The following HEATR5A variants were observed in gnomAD, a reference collection of about 807,000 sequenced individuals.
The protein encoded by HEATR5A is HEAT repeat containing 5A.
HEATR5A carries 178 observed loss-of-function variants against 218.8 expected under a neutral mutation model. The observed-to-expected ratio is 0.81, with a 90% CI of 0.72 to 0.92. The LOEUF (loss-of-function observed/expected upper bound fraction) is 0.92. Among genes scored for constraint, HEATR5A ranks in the 40% least tolerant of loss-of-function variants. HEATR5A has a pLI of 0.00. For missense variants in HEATR5A, 2,420 were observed against 2,418.9 expected, an observed-to-expected ratio of 1.00 and a Z score of -0.01; for synonymous variants, 864 against 871.6, an observed-to-expected ratio of 0.99 and a Z score of 0.15.
intron 27 of HEATR5A, 134 bp downstream of exon 27, chr14:31,315,634 CAT>C (rs1899890038): frequency 3.3e-6 from 2 of 603,834 alleles, no homozygotes; most frequent in Non-Finnish European, 5.6e-6. Flanking sequence ...AAATACATCA[CAT>C]GTTGGAATTC....
chr14:31,357,830 T>C (rs946381945), intron 16 of HEATR5A, among the ~76,000 whole-genome samples: 2 of 152,156 alleles, frequency 1.3e-5, no homozygotes, highest in Non-Finnish European at 2.9e-5. Flanking sequence ...GTTAATTAAA[T>C]ATCTATTATC....
chr14:31,364,443 A>G (rs987188045), intron 13 of HEATR5A, 145 bp from the exon 14 acceptor site: 1 of 545,582 alleles, frequency 1.8e-6, no homozygotes, highest in Non-Finnish European at 3.2e-6. Context: ...TTTTTGAGAC[A>G]GGGTCCAGCT....
chr14:31,360,767 G>T (rs1901590335), intron 14 of HEATR5A, among the ~76,000 whole-genome samples: 4 of 152,106 alleles, frequency 2.6e-5, no homozygotes, highest in Admixed American at 2.6e-4. Context: ...GTTAGGAAGG[G>T]TTTACTTGCC....
rs373878045 is a variant in HEATR5A, at chr14:31,358,759, C to G, written c.2289G>C (p.Ser763=). The G allele has an allele frequency of 2.1e-5, 34 of 1,613,614 alleles. No individual in the cohort carries two copies. Among genetic ancestry groups the G allele is most frequent in the Admixed American group, 1.7e-4 (10 of 59,966 alleles). Residue 763 remains serine (S), a synonymous_variant, in exon 16 of 36, where the codon TCG becomes TCC. Coordinates refer to ENST00000543095, the MANE Select transcript of HEATR5A (RefSeq NM_015473.4). ...CTCCCTCTACATCTTTCTCATAAAT[C>G]GAATAAGGGTCATATTCAAGACTTC... ...ACGSLEYDPY[S]IYEKDVEGDS... is the part of the protein sequence containing the mutation.
chr14:31,302,938 C>CAAAAAA (rs747481722), intron 32 of HEATR5A, among the ~76,000 whole-genome samples: 1 of 102,200 alleles, frequency 9.8e-6, no homozygotes, highest in African/African-American at 4.2e-5. Context: ...TTCATCTTTA[C>CAAAAAA]AAAAAAAAAA....
chr14:31,358,814 T>C lies in HEATR5A; in HGVS notation c.2236-2A>G. On this transcript the variant is annotated splice_acceptor_variant, in intron 15 of 35. Coordinates refer to ENST00000543095, the MANE Select transcript of HEATR5A (RefSeq NM_015473.4). LOFTEE classifies it high-confidence loss of function. ...AGCAACACCATTACCAAGCAGGAGC[T>C]AAAAGGGAAAAAAAGTATATAAGGT... 6.2e-7 allele frequency: 1 copy of C among 1,609,976 alleles called. No individual in the cohort carries two copies. The highest frequency in any genetic ancestry group is 8.5e-7 in the Non-Finnish European group (1 of 1,178,948).
chr14:31,393,749 G>C lies in HEATR5A; in HGVS notation c.772+303C>G, dbSNP rs144097440. 3.4e-3 allele frequency among the ~76,000 whole-genome samples: 514 copies of C among 152,192 alleles called. 2 individuals carry two copies. Among genetic ancestry groups the C allele is most frequent in the Middle Eastern group, 0.014 (4 of 292 alleles). On this transcript the variant is annotated intron_variant, in intron 6 of 35. Transcript: ENST00000543095. ...CAGCTCACTACAACCTCTGCCTCCT[G>C]GGTTCAAGTGATTCTTGTAATCCCA...
chr14:31,329,082 G>T (rs1178567002), intron 22 of HEATR5A, among the ~76,000 whole-genome samples: 7 of 151,976 alleles, frequency 4.6e-5, no homozygotes. Flanking sequence ...TCACTATCAC[G>T]AGAACAGCAT....
chr14:31,348,191 GCATT>G (rs1391112165), intron 18 of HEATR5A, among the ~76,000 whole-genome samples: 4 of 152,108 alleles, frequency 2.6e-5, no homozygotes, highest in African/African-American at 9.7e-5. Flanking sequence ...TTTAAGATAA[GCATT>G]ATTATTACTT....
chr14:31,372,875 G>GCTCT lies in HEATR5A; in HGVS notation c.1862-970_1862-967dup, dbSNP rs765000040. Reference sequence around the variant, plus strand: ...ACTGATCAATTCTTTTCTCTCTTTCGCTCTCTCTCTCCCTCTCTCTCTCTC... The same window carrying GCTCT: ...ACTGATCAATTCTTTTCTCTCTTTCGCTCTCTCTCTCTCTCCCTCTCTCTCTCTC... On this transcript the variant is annotated intron_variant, in intron 12 of 35. Transcript: ENST00000543095. 2.7e-4 allele frequency among the ~76,000 whole-genome samples: 41 copies of GCTCT among 150,288 alleles called. No individual in the cohort carries two copies. The East Asian group carries it at 7.0e-3, about 26-fold the overall frequency.
intron 9 of HEATR5A, among the ~76,000 whole-genome samples, chr14:31,386,200 T>C (rs565970375): frequency 6.6e-6 from 1 of 152,198 alleles, no homozygotes; most frequent in Non-Finnish European, 1.5e-5. Context: ...TATAAGTCTC[T>C]AAATGGGGGG....
At position 31,293,197 on chromosome 14, in the gene HEATR5A, A is replaced by C. The variant is rs1325052890; in HGVS notation, c.*108T>G. On this transcript the variant is annotated 3_prime_UTR_variant, in exon 36 of 36. Coordinates refer to ENST00000543095, the MANE Select transcript of HEATR5A (RefSeq NM_015473.4). ...GAGTCACAGCTATTTAAGGTAAAAC[A>C]ATCAACTAGACCTCTAAGGGCACTT... is the stretch of plus-strand genomic sequence containing the variant. 114 of 794,276 alleles carry C rather than the reference A, an allele frequency of 1.4e-4. 1 individual carries two copies. The East Asian group carries it at 2.8e-3, about 19-fold the overall frequency. 49.2% of individuals were successfully genotyped at this position (794,276 alleles called of 1,614,324 possible). A position where few individuals can be genotyped will look rare whatever the true frequency, so the allele number is the denominator to read the frequency against.
chr14:31,330,378 C>T (rs911148260), intron 22 of HEATR5A, among the ~76,000 whole-genome samples: 2 of 152,174 alleles, frequency 1.3e-5, no homozygotes, highest in African/African-American at 2.4e-5. Context: ...GCACAGAGCA[C>T]GGGGACCCTG....
At chr14:31,315,260 C>T (rs947758807) in intron 27 of HEATR5A, among the ~76,000 whole-genome samples, 1 of 152,144 alleles carries the variant, frequency 6.6e-6, no homozygotes, top group Non-Finnish European at 1.5e-5. Flanking sequence ...ATTATAAATA[C>T]TATTAGGTCT....
intron 12 of HEATR5A, among the ~76,000 whole-genome samples, chr14:31,372,857 A>G (rs949017024): frequency 2.0e-5 from 3 of 151,374 alleles, no homozygotes; most frequent in African/African-American, 7.3e-5. Context: ...CAGACTGATC[A>G]ATTCTTTTCT....
At chr14:31,376,081 G>A (rs1902216607) in intron 11 of HEATR5A, among the ~76,000 whole-genome samples, 1 of 152,140 alleles carries the variant, frequency 6.6e-6, no homozygotes, top group Non-Finnish European at 1.5e-5. Context: ...TAATATCCTG[G>A]CTTCATCCAC....
Position 31,387,372 on chromosome 14 carries a change from A to G in HEATR5A, c.937T>C (p.Tyr313His), listed in dbSNP as rs1282174617. 1.1e-5 allele frequency: 17 copies of G among 1,605,774 alleles called. No individual in the cohort carries two copies. Among genetic ancestry groups the G allele is most frequent in the Non-Finnish European group, 1.4e-5 (16 of 1,175,466 alleles). ...CCTAGTGTTGAAACAAATACCACAT[A>G]AGCCTAAAAAGGAAAAGAGTTTTAT... ...RDVRVGVTQA[Y>H]VVFVSTLGGA... Residue 313 changes from tyrosine (Y) to histidine (H), a missense_variant, in exon 8 of 36, where the codon TAT becomes CAT. By Grantham distance (83) the Tyr-to-His change is moderately conservative. Transcript: ENST00000543095.
chr14:31,387,455 TTAA>T lies in HEATR5A; in HGVS notation c.934-83_934-81del, dbSNP rs1189175833. 11 of 1,043,916 alleles carry T rather than the reference TTAA, an allele frequency of 1.1e-5. No homozygotes were observed. In the Admixed American group the frequency reaches 2.5e-4, roughly 24 times the overall value. The allele number at this position is 1,043,916 out of a possible 1,614,324, so 64.7% of individuals were successfully genotyped here. A position where few individuals can be genotyped will look rare whatever the true frequency, so the allele number is the denominator to read the frequency against. On this transcript the variant is annotated intron_variant, in intron 7 of 35. Coordinates refer to ENST00000543095, the MANE Select transcript of HEATR5A (RefSeq NM_015473.4). ...TCCCCCACAAAACATGTAGCATTTA[TTAA>T]TATTTTTCTTATTCCTTATAAATTG...
chr14:31,389,290 A>C lies in HEATR5A; in HGVS notation c.773-285T>G, dbSNP rs576331538. The stretch of plus-strand genomic sequence containing the variant: ...AAAGAAGTTAAAAGGCTGTCTTCTA[A>C]AACAGGGGAAAAACATAAATAAGAC... On this transcript the variant is annotated intron_variant, in intron 6 of 35. Coordinates refer to ENST00000543095, the MANE Select transcript of HEATR5A (RefSeq NM_015473.4). Among the ~76,000 whole-genome samples the C allele has an allele frequency of 1.6e-4, 25 of 152,320 alleles. No individual in the cohort carries two copies. In the South Asian group the frequency reaches 4.8e-3, roughly 29 times the overall value.
Sources: allele counts gnomAD v4.1 joint callset (sites outside exome capture counted in the v4.1 genomes callset), GRCh38; gene constraint gnomAD v4.1.1; transcripts MANE v1.5; gene names NCBI Gene and HGNC (gene_info 2026-07-23, HGNC 2026-07-21).